Variants in PHB1 observed in about 807,000 individuals in gnomAD.
PHB1 encodes prohibitin 1, also known as epididymis luminal protein 215.
chr17:49,412,339 G>C, the PHB1 span: 2 of 156,208 alleles, frequency 1.3e-5, no homozygotes, highest in African/African-American at 4.8e-5. Context: ...GAGCTGTCTT[G>C]GCACAGAGAG....
the PHB1 span, chr17:49,405,019 C>T: frequency 1.3e-6 from 2 of 1,558,806 alleles, no homozygotes; most frequent in Non-Finnish European, 1.7e-6. Context: ...GGAGCACGGA[C>T]TGCCCCGCTG....
the PHB1 span, chr17:49,409,348 T>G: frequency 1.9e-6 from 3 of 1,614,102 alleles, no homozygotes; most frequent in Non-Finnish European, 2.5e-6. Flanking sequence ...GACTTGAGGA[T>G]CTCAGTTGTG....
the PHB1 span, chr17:49,404,831 C>T: frequency 1.6e-6 from 1 of 610,238 alleles, no homozygotes; most frequent in Non-Finnish European, 2.9e-6. Flanking sequence ...ATTTGATAGA[C>T]TAATTAGAGA....
At chr17:49,414,065 T>C in the PHB1 span, among the ~76,000 whole-genome samples, 1 of 152,210 alleles carries the variant, frequency 6.6e-6, no homozygotes, top group East Asian at 1.9e-4. Flanking sequence ...CTAACACTTA[T>C]ATCAGGTAGC....
chr17:49,410,144 A>T, the PHB1 span, among the ~76,000 whole-genome samples: 3 of 152,118 alleles, frequency 2.0e-5, no homozygotes, highest in African/African-American at 7.2e-5. Flanking sequence ...CAGCCTCCCA[A>T]AATGCTAGAA....
chr17:49,405,343 C>T, the PHB1 span: 11 of 665,838 alleles, frequency 1.7e-5, no homozygotes, highest in Admixed American at 5.0e-5. Context: ...TGATGGCTAG[C>T]GGGGGAAGCG....
At chr17:49,410,032 A>G in the PHB1 span, among the ~76,000 whole-genome samples, 5 of 151,680 alleles carry the variant, frequency 3.3e-5, no homozygotes, top group East Asian at 3.9e-4. Context: ...ACAGGCACAG[A>G]CCACCACGCC....
chr17:49,411,643 C>G, the PHB1 span: 1 of 1,595,350 alleles, frequency 6.3e-7, no homozygotes, highest in Middle Eastern at 1.7e-4. Flanking sequence ...CTCTTCCACA[C>G]TCCCTACTTT....
chr17:49,413,512 C>CTTTTTT, the PHB1 span, among the ~76,000 whole-genome samples: 1 of 124,792 alleles, frequency 8.0e-6, no homozygotes. Flanking sequence ...CTTTTCTTTC[C>CTTTTTT]TTTTTTTTTT....
At chr17:49,408,989 C>T in the PHB1 span, 1 of 1,138,302 alleles carries the variant, frequency 8.8e-7, no homozygotes, top group South Asian at 1.5e-5. Context: ...GAGCCAGGCA[C>T]CTAAACGAGA....
chr17:49,413,044 G>A, the PHB1 span: 4 of 657,524 alleles, frequency 6.1e-6, no homozygotes, highest in Admixed American at 9.0e-5. Context: ...GTATGAAATG[G>A]CAGGAGGTGA....
chr17:49,406,673 G>T, the PHB1 span: 1 of 921,676 alleles, frequency 1.1e-6, no homozygotes, highest in South Asian at 1.3e-5. Context: ...GACAGATGAT[G>T]AATTTCCAGG....
the PHB1 span, chr17:49,411,719 C>T: frequency 1.1e-5 from 18 of 1,613,958 alleles, no homozygotes; most frequent in African/African-American, 1.9e-4. Flanking sequence ...TGGTCGAGAA[C>T]GGCAGTCAAA....
At chr17:49,413,457 G>C in the PHB1 span, among the ~76,000 whole-genome samples, 1 of 150,468 alleles carries the variant, frequency 6.6e-6, no homozygotes, top group East Asian at 1.9e-4. Context: ...TTTATAGCTT[G>C]GAAAGTGTAC....
chr17:49,405,701 G>T, the PHB1 span, among the ~76,000 whole-genome samples: 48 of 152,212 alleles, frequency 3.2e-4, no homozygotes, highest in African/African-American at 1.2e-3. Context: ...CTTGAGCCCA[G>T]GAGGCCAAGG....
At chr17:49,410,016 G>A in the PHB1 span, among the ~76,000 whole-genome samples, 1 of 151,880 alleles carries the variant, frequency 6.6e-6, no homozygotes, top group African/African-American at 2.4e-5. Context: ...AAGTAGCTGG[G>A]ACTACACAGG....
At chr17:49,414,684 C>T in the PHB1 span, 1 of 152,354 alleles carries the variant, frequency 6.6e-6, no homozygotes, top group Admixed American at 6.5e-5. Flanking sequence ...CTCTGAGCAA[C>T]CCCTGGCTCG....
At chr17:49,412,737 C>T in the PHB1 span, 1 of 156,506 alleles carries the variant, frequency 6.4e-6, no homozygotes, top group Non-Finnish European at 1.4e-5. Context: ...TCTGAAACTA[C>T]CCGAATTCAG....
chr17:49,407,296 C>T, the PHB1 span: 1 of 169,278 alleles, frequency 5.9e-6, no homozygotes, highest in Non-Finnish European at 1.3e-5. Context: ...GTGAGGGAGG[C>T]AGCTGGTTCC....
Sources: gnomAD v4.1 joint callset for allele counts (sites outside exome capture counted in the v4.1 genomes callset) on GRCh38, gnomAD v4.1.1 for gene constraint, MANE v1.5 for transcripts, NCBI Gene and HGNC (gene_info 2026-07-23, HGNC 2026-07-21) for gene names.